Variants in CTNNA2 observed in about 807,000 individuals in gnomAD.
The protein encoded by CTNNA2 is catenin alpha-2.
In CTNNA2, 42 loss-of-function variants were observed where a neutral mutation model predicts 101.0. That is an observed-to-expected ratio of 0.42 (90% CI 0.32 to 0.54). The LOEUF (loss-of-function observed/expected upper bound fraction) is 0.54. CTNNA2 is among the 20% of genes least tolerant of loss of function. CTNNA2 has a pLI of 0.14. For synonymous variants in CTNNA2, 450 were observed against 456.4 expected, an observed-to-expected ratio of 0.99 and a Z score of 0.18; for missense variants, 871 against 1,223.1, an observed-to-expected ratio of 0.71 and a Z score of 4.29.
intron 3 of CTNNA2, among the ~76,000 whole-genome samples, chr2:79,757,752 T>C (rs2105066627): frequency 6.6e-6 from 1 of 152,198 alleles, no homozygotes; most frequent in African/African-American, 2.4e-5. Flanking sequence ...CCAACTGTAG[T>C]TTTTATGGTG....
intron 3 of CTNNA2, among the ~76,000 whole-genome samples, chr2:79,756,096 T>C (rs1672379818): frequency 6.6e-6 from 1 of 151,256 alleles, no homozygotes; most frequent in Non-Finnish European, 1.5e-5. Context: ...GAGCCCTTTG[T>C]GTGGCTTTTA....
intron 7 of CTNNA2, among the ~76,000 whole-genome samples, chr2:80,327,332 G>A (rs370210369): frequency 6.6e-5 from 10 of 152,292 alleles, no homozygotes; most frequent in African/African-American, 9.6e-5. Flanking sequence ...GACATGGGAC[G>A]GACACAGGAT....
chr2:80,593,928 C>G (rs1439736824), intron 15 of CTNNA2, among the ~76,000 whole-genome samples: 2 of 152,270 alleles, frequency 1.3e-5, no homozygotes, highest in Middle Eastern at 3.4e-3. Context: ...ATGAATAATG[C>G]TGCACTGTAC....
Position 80,545,900 on chromosome 2 carries a change from C to A in CTNNA2, c.1384-7C>A. 2 of 1,613,018 alleles carry A rather than the reference C, an allele frequency of 1.2e-6. No homozygotes were observed. Among genetic ancestry groups the A allele is most frequent in the South Asian group, 1.1e-5 (1 of 90,932 alleles). ...CATCATGTCCCTGGATTGTTTCCAA[C>A]AAATAGGTCATCAATGCCGCTCTGA... On this transcript the variant is annotated splice_polypyrimidine_tract_variant and splice_region_variant and intron_variant, in intron 10 of 18. Transcript: ENST00000402739.
intron 3 of CTNNA2, among the ~76,000 whole-genome samples, chr2:79,776,018 G>A (rs560089938): frequency 1.9e-4 from 29 of 152,198 alleles, no homozygotes; most frequent in African/African-American, 7.0e-4. Flanking sequence ...TTATACATAG[G>A]CAAGAGTCAT....
At chr2:80,082,082 A>AT (rs2148805349) in intron 7 of CTNNA2, among the ~76,000 whole-genome samples, 1 of 152,214 alleles carries the variant, frequency 6.6e-6, no homozygotes, top group Admixed American at 6.5e-5. Context: ...GAGGGTTCCA[A>AT]TATCTGGTTG....
intron 6 of CTNNA2, among the ~76,000 whole-genome samples, chr2:79,881,677 C>T (rs755500860): frequency 1.3e-5 from 2 of 151,534 alleles, no homozygotes; most frequent in Non-Finnish European, 2.9e-5. Flanking sequence ...TCCACCATTC[C>T]TTTATTTTGA....
At chr2:80,533,591 A>G (rs144175777) in intron 9 of CTNNA2, among the ~76,000 whole-genome samples, 38 of 152,312 alleles carry the variant, frequency 2.5e-4, no homozygotes, top group African/African-American at 8.4e-4. Flanking sequence ...TTAAATGTCA[A>G]GCACCGGATG....
At chr2:79,290,418 C>T (rs758913993) in intron 2 of CTNNA2, among the ~76,000 whole-genome samples, 35 of 152,126 alleles carry the variant, frequency 2.3e-4, no homozygotes, top group Non-Finnish European at 4.6e-4. Flanking sequence ...CCACCTCCGG[C>T]CCTGTGCCCA....
chr2:80,207,694 A>G (rs919589286), intron 7 of CTNNA2, among the ~76,000 whole-genome samples: 4 of 152,276 alleles, frequency 2.6e-5, no homozygotes, highest in East Asian at 1.9e-4. Context: ...ATGGTTTTAT[A>G]TAAGTGTTTG....
At chr2:80,504,645 T>G (rs1688130648) in intron 9 of CTNNA2, among the ~76,000 whole-genome samples, 1 of 152,132 alleles carries the variant, frequency 6.6e-6, no homozygotes, top group Admixed American at 6.6e-5. Context: ...CTGAAGGGCC[T>G]TGGGTGGGGA....
intron 1 of CTNNA2, among the ~76,000 whole-genome samples, chr2:79,631,182 T>C (rs1358963750): frequency 1.3e-5 from 2 of 152,182 alleles, no homozygotes; most frequent in Non-Finnish European, 2.9e-5. Context: ...TGTGCTGTGC[T>C]CATAATGTTG....
intron 2 of CTNNA2, among the ~76,000 whole-genome samples, chr2:79,672,244 A>G (rs916036911): frequency 4.6e-5 from 7 of 152,224 alleles, no homozygotes; most frequent in Non-Finnish European, 8.8e-5. Context: ...GCCGTTATTT[A>G]ATACATCTGT....
chr2:80,230,260 G>T lies in CTNNA2; in HGVS notation c.1057-162951G>T, dbSNP rs373794656. Reference sequence around the variant, plus strand: ...TCTCTCTCTCTCTTTTTTTTTCTTTGTTTTTTTTTTTTTTTTTAAGAGATA... The same window carrying T: ...TCTCTCTCTCTCTTTTTTTTTCTTTTTTTTTTTTTTTTTTTTTAAGAGATA... On this transcript the variant is annotated intron_variant, in intron 7 of 18. Transcript: ENST00000402739. Among the ~76,000 whole-genome samples, 576 of 121,282 alleles carry T rather than the reference G, an allele frequency of 4.7e-3. 1 individual carries two copies. The highest frequency in any genetic ancestry group is 0.013 in the Middle Eastern group (3 of 226). 79.6% of individuals were successfully genotyped at this position (121,282 alleles called of 152,430 possible). A position where few individuals can be genotyped will look rare whatever the true frequency, so the allele number is the denominator to read the frequency against.
chr2:79,982,161 C>T (rs907752782), intron 7 of CTNNA2, among the ~76,000 whole-genome samples: 6 of 130,372 alleles, frequency 4.6e-5, no homozygotes, highest in South Asian at 2.6e-4. Context: ...ACCTCAGCCT[C>T]CAGAGTACCT....
intron 18 of CTNNA2, among the ~76,000 whole-genome samples, chr2:80,623,427 T>G (rs547974101): frequency 6.6e-6 from 1 of 151,786 alleles, no homozygotes; most frequent in Non-Finnish European, 1.5e-5. Context: ...GGGAGGAATA[T>G]CTCAGAAAAG....
chr2:79,279,757 C>T (rs1046964030), intron 2 of CTNNA2, among the ~76,000 whole-genome samples: 1 of 152,014 alleles, frequency 6.6e-6, no homozygotes, highest in Admixed American at 6.6e-5. Flanking sequence ...TATGCAATTC[C>T]TCTTCTTGAC....
intron 7 of CTNNA2, among the ~76,000 whole-genome samples, chr2:80,246,057 G>T (rs1280619928): frequency 6.6e-6 from 1 of 152,000 alleles, no homozygotes; most frequent in Non-Finnish European, 1.5e-5. Flanking sequence ...GCCTCCTGAA[G>T]TGCTGGGATT....
chr2:79,276,595 T>G (rs1242616435), intron 2 of CTNNA2, among the ~76,000 whole-genome samples: 1 of 152,150 alleles, frequency 6.6e-6, no homozygotes, highest in Non-Finnish European at 1.5e-5. Flanking sequence ...CCTTTCATAC[T>G]TAACCTTTTG....
Sources: allele counts gnomAD v4.1 joint callset (sites outside exome capture counted in the v4.1 genomes callset), GRCh38; gene constraint gnomAD v4.1.1; transcripts MANE v1.5; gene names NCBI Gene and HGNC (gene_info 2026-07-23, HGNC 2026-07-21).